Variants in EXOC1 observed in about 807,000 individuals in gnomAD.
EXOC1 encodes SEC3-like 1.
EXOC1 carries 67 observed loss-of-function variants against 107.7 expected under a neutral mutation model. That is an observed-to-expected ratio of 0.62 (90% CI 0.51 to 0.76). EXOC1 has a LOEUF of 0.76. EXOC1 is among the 30% of genes least tolerant of loss of function. The pLI is 0.00. For synonymous variants in EXOC1, 348 were observed against 353.5 expected (o/e 0.98, Z 0.17); for missense variants, 833 against 1,055.7 (o/e 0.79, Z 2.92).
At chr4:55,882,529 T>A (rs1048759600) in intron 9 of EXOC1, among the ~76,000 whole-genome samples, 1 of 152,242 alleles carries the variant, frequency 6.6e-6, no homozygotes, top group African/African-American at 2.4e-5. Context: ...TTTAAAGTTA[T>A]ACAAAGATCA....
intron 2 of EXOC1, 140 bp from the exon 3 acceptor site, chr4:55,860,269 TCG>T (rs1207361850): frequency 1.1e-6 from 1 of 895,248 alleles, no homozygotes; most frequent in Non-Finnish European, 1.6e-6. Context: ...TGTGCTTTCC[TCG>T]GTCATAGCAC....
At chr4:55,867,239 A>G (rs116059174) in intron 4 of EXOC1, among the ~76,000 whole-genome samples, 1 of 152,210 alleles carries the variant, frequency 6.6e-6, no homozygotes, top group Non-Finnish European at 1.5e-5. Flanking sequence ...CGTTGAAAGG[A>G]CAAGGAGATC....
chr4:55,864,771 G>A (rs1034268083), intron 4 of EXOC1, among the ~76,000 whole-genome samples: 1 of 152,070 alleles, frequency 6.6e-6, no homozygotes, highest in Non-Finnish European at 1.5e-5. Context: ...TAGCACCATA[G>A]TATTCCATTA....
intron 8 of EXOC1, among the ~76,000 whole-genome samples, chr4:55,874,371 A>G (rs1203474948): frequency 6.6e-6 from 1 of 152,182 alleles, no homozygotes; most frequent in Non-Finnish European, 1.5e-5. Flanking sequence ...AAAGACCTTT[A>G]AAAAGAAATA....
intron 15 of EXOC1, 104 bp downstream of exon 15, chr4:55,893,884 T>C (rs1437173803): frequency 6.6e-6 from 6 of 904,578 alleles, no homozygotes; most frequent in Non-Finnish European, 9.9e-6. Context: ...TTGGGGAATC[T>C]GTTGTTTATG....
In EXOC1 at chr4:55,871,117, C is replaced by T; in HGVS notation, c.848C>T (p.Ala283Val). 6.2e-7 allele frequency: 1 copy of T among 1,613,762 alleles called. No homozygotes were observed. The highest frequency in any genetic ancestry group is 8.5e-7 in the Non-Finnish European group (1 of 1,179,838). ...IEFLVNHMDL[A>V]KGHIKALQEG... Reference sequence around the variant, plus strand: ...ATATTCTAGAACCACATGGACTTGGCCAAAGGTCATATAAAGGCCCTTCAG... The same window carrying T: ...ATATTCTAGAACCACATGGACTTGGTCAAAGGTCATATAAAGGCCCTTCAG... Residue 283 changes from alanine (A) to valine (V), a missense_variant, in exon 7 of 19, where the codon GCC (alanine) becomes GTC (valine). Ala to Val is a moderately conservative substitution (Grantham distance 64). Around this residue, in one of 2 missense-constraint regions of EXOC1, gnomAD observed 617 missense variants for 701.3 expected, o/e 0.88. Transcript: ENST00000381295.
At chr4:55,871,013 C>A in intron 6 of EXOC1, 88 bp from the exon 7 acceptor site, 1 of 1,553,284 alleles carries the variant, frequency 6.4e-7, no homozygotes, top group Non-Finnish European at 8.7e-7. Flanking sequence ...AAAATAATTC[C>A]AAAGACCTAA....
chr4:55,882,602 G>A (rs1198049087), intron 9 of EXOC1: 1 of 152,168 alleles, frequency 6.6e-6, no homozygotes, highest in Non-Finnish European at 1.5e-5. Context: ...TGTGAAAAAT[G>A]TATATGGCAT....
At chr4:55,880,832 C>G (rs1205766619) in intron 9 of EXOC1, among the ~76,000 whole-genome samples, 1 of 152,042 alleles carries the variant, frequency 6.6e-6, no homozygotes, top group African/African-American at 2.4e-5. Flanking sequence ...GACTTTTTCC[C>G]AGGAATGTTG....
In EXOC1 at chr4:55,857,065, C is replaced by G. The variant is rs188538668; in HGVS notation, c.-10-1249C>G. ...TCTGGATATTTCATATAAATGGAAT[C>G]ATACAATACGTGGTCTTTTGTGGCT... is the stretch of plus-strand genomic sequence containing the variant. On this transcript the variant is annotated intron_variant, in intron 1 of 18. Transcript: ENST00000381295. Among the ~76,000 whole-genome samples the G allele has an allele frequency of 3.3e-3, 501 of 150,856 alleles. 3 individuals carry two copies. The highest frequency in any genetic ancestry group is 0.011 in the African/African-American group (474 of 41,230).
intron 2 of EXOC1, among the ~76,000 whole-genome samples, chr4:55,858,710 A>C (rs976024280): frequency 6.6e-6 from 1 of 152,096 alleles, no homozygotes; most frequent in Non-Finnish European, 1.5e-5. Flanking sequence ...TAGTCATTTC[A>C]TTCTGTTGTG....
At chr4:55,877,275 T>C (rs537110655) in intron 8 of EXOC1, 4 of 985,252 alleles carry the variant, frequency 4.1e-6, no homozygotes, top group Non-Finnish European at 4.8e-6. Flanking sequence ...TTTCACAAAA[T>C]GCTGACAAAT....
Position 55,896,701 on chromosome 4 carries a change from C to G in EXOC1, c.1954-16C>G, listed in dbSNP as rs879242573. 1 of 1,579,114 alleles carries G rather than the reference C, an allele frequency of 6.3e-7. No individual in the cohort carries two copies. Among genetic ancestry groups the G allele is most frequent in the South Asian group, 1.2e-5 (1 of 84,652 alleles). On this transcript the variant is annotated splice_polypyrimidine_tract_variant and intron_variant, in intron 15 of 18. Coordinates refer to ENST00000381295, the MANE Select transcript of EXOC1 (RefSeq NM_001024924.2). Reference sequence around the variant, plus strand: ...TGCTTGGTTATTTATCTCCCTTGCTCTCTGCCTAACTTTAGAGTAACCAAA... The same window carrying G: ...TGCTTGGTTATTTATCTCCCTTGCTGTCTGCCTAACTTTAGAGTAACCAAA...
intron 10 of EXOC1, among the ~76,000 whole-genome samples, chr4:55,887,095 T>C (rs541533166): frequency 6.6e-6 from 1 of 152,190 alleles, no homozygotes; most frequent in Non-Finnish European, 1.5e-5. Context: ...ACAAATTTAA[T>C]GAAATGACAG....
At chr4:55,901,969 C>T in intron 17 of EXOC1, among the ~76,000 whole-genome samples, 1 of 150,808 alleles carries the variant, frequency 6.6e-6, no homozygotes, top group East Asian at 1.9e-4. Context: ...TTGCCAAGTC[C>T]AAAAAAAGAA....
At chr4:55,891,975 A>G (rs966925661) in intron 13 of EXOC1, among the ~76,000 whole-genome samples, 1 of 152,214 alleles carries the variant, frequency 6.6e-6, no homozygotes, top group African/African-American at 2.4e-5. Flanking sequence ...GGTAGCATAC[A>G]TATAAGAGAA....
intron 15 of EXOC1, among the ~76,000 whole-genome samples, chr4:55,894,170 C>T (rs528128070): frequency 2.1e-4 from 32 of 152,118 alleles, no homozygotes; most frequent in Admixed American, 1.8e-3. Context: ...ACCAAAAATA[C>T]AAAAATTAGC....
intron 8 of EXOC1, among the ~76,000 whole-genome samples, chr4:55,874,961 A>G (rs2110342766): frequency 6.6e-6 from 1 of 152,108 alleles, no homozygotes; most frequent in East Asian, 1.9e-4. Context: ...TTTGATAACT[A>G]CTCTCTGCCT....
chr4:55,903,734 A>G (rs1399252417), intron 18 of EXOC1, among the ~76,000 whole-genome samples: 1 of 152,142 alleles, frequency 6.6e-6, no homozygotes, highest in Non-Finnish European at 1.5e-5. Flanking sequence ...TATTTAAGCC[A>G]TTATGTCAAT....
Sources: gnomAD v4.1 joint callset for allele counts (sites outside exome capture counted in the v4.1 genomes callset) on GRCh38, gnomAD v4.1.1 for gene constraint, gnomAD v4.1.1 regional missense constraint, MANE v1.5 for transcripts, NCBI Gene and HGNC (gene_info 2026-07-23, HGNC 2026-07-21) for gene names.